MECOM: variants seen among roughly 807,000 people sequenced by gnomAD.
MECOM encodes histone-lysine N-methyltransferase MECOM.
Under a neutral mutation model 116.3 loss-of-function variants are expected in MECOM, and 13 were observed. The ratio of observed to expected loss-of-function variants is 0.11; its 90% confidence interval spans 0.07 to 0.18. The LOEUF (loss-of-function observed/expected upper bound fraction) is 0.18, where lower values mean the gene tolerates loss of function less well. MECOM is among the 10% of genes least tolerant of loss of function. MECOM has a pLI of 1.00. For synonymous variants in MECOM, 528 were observed against 535.2 expected (o/e 0.99, Z 0.19); for missense variants, 1,299 against 1,509.0 (o/e 0.86, Z 2.31).
intron 2 of MECOM, among the ~76,000 whole-genome samples, chr3:169,191,346 C>T (rs1487122416): frequency 6.8e-6 from 1 of 147,682 alleles, no homozygotes; most frequent in African/African-American, 2.5e-5. Flanking sequence ...AGAAGAGCAC[C>T]TGCCTGGACC....
Position 169,089,021 on chromosome 3 carries a change from T to C in MECOM, c.3564A>G (p.Leu1188=). The C allele has an allele frequency of 6.2e-7, 1 of 1,601,722 alleles. No individual in the cohort carries two copies. Among genetic ancestry groups the C allele is most frequent in the Non-Finnish European group, 8.5e-7 (1 of 1,175,310 alleles). Residue 1188 remains leucine, a synonymous_variant, in exon 16 of 17, where the codon TTA becomes TTG. Coordinates refer to ENST00000651503, the MANE Select transcript of MECOM (RefSeq NM_004991.4). The part of the protein sequence containing the change: ...SHVPEELKQP[L]HRKSKSQAYA... ...GTACCTGCGATTTGGACTTTCTGTGTAACGGCTGCTTAAGTTCCTCTGGCA... is the reference window on the plus strand; with the variant it reads ...GTACCTGCGATTTGGACTTTCTGTGCAACGGCTGCTTAAGTTCCTCTGGCA...
At chr3:169,177,202 T>A (rs1269282038) in intron 2 of MECOM, among the ~76,000 whole-genome samples, 1 of 152,070 alleles carries the variant, frequency 6.6e-6, no homozygotes, top group Non-Finnish European at 1.5e-5. Flanking sequence ...AATAGCAAAG[T>A]CATGGAATCA....
intron 1 of MECOM, among the ~76,000 whole-genome samples, chr3:169,637,249 T>A (rs1772907815): frequency 6.6e-6 from 1 of 152,160 alleles, no homozygotes; most frequent in Non-Finnish European, 1.5e-5. Flanking sequence ...TTCTAATGAC[T>A]GCAGCCCCAG....
chr3:169,378,089 G>A (rs997062500), intron 2 of MECOM, among the ~76,000 whole-genome samples: 28 of 151,644 alleles, frequency 1.8e-4, no homozygotes, highest in South Asian at 4.2e-4. Context: ...AACAAACAGC[G>A]CATGTTCTCA....
intron 2 of MECOM, among the ~76,000 whole-genome samples, chr3:169,153,961 A>C (rs1473699691): frequency 2.0e-5 from 3 of 152,214 alleles, no homozygotes; most frequent in African/African-American, 7.2e-5. Flanking sequence ...GGGGAACAGC[A>C]AAGTGTAAGT....
intron 1 of MECOM, among the ~76,000 whole-genome samples, chr3:169,412,136 A>C (rs558512174): frequency 2.6e-4 from 39 of 151,942 alleles, no homozygotes; most frequent in Non-Finnish European, 2.6e-4. Context: ...AGACACAAAA[A>C]TTAGCCAGGC....
chr3:169,216,459 G>A (rs1577370191), intron 2 of MECOM, among the ~76,000 whole-genome samples: 1 of 152,126 alleles, frequency 6.6e-6, no homozygotes, highest in Middle Eastern at 3.4e-3. Context: ...AATGACATCT[G>A]ACCACTGGCT....
At chr3:169,328,633 T>C (rs1039925808) in intron 2 of MECOM, among the ~76,000 whole-genome samples, 9 of 152,214 alleles carry the variant, frequency 5.9e-5, no homozygotes, top group Non-Finnish European at 1.0e-4. Flanking sequence ...ATTGGATCAC[T>C]GAATGCAATA....
At chr3:169,473,212 T>C (rs892889786) in intron 1 of MECOM, among the ~76,000 whole-genome samples, 2 of 152,164 alleles carry the variant, frequency 1.3e-5, no homozygotes, top group African/African-American at 2.4e-5. Context: ...ATTCAGGAAT[T>C]TGTACTTTTG....
intron 2 of MECOM, among the ~76,000 whole-genome samples, chr3:169,291,882 T>C (rs1017853300): frequency 1.3e-5 from 2 of 152,214 alleles, no homozygotes; most frequent in African/African-American, 2.4e-5. Flanking sequence ...TAGAATCTGA[T>C]CATGTGAATA....
At chr3:169,488,527 CAGAG>C (rs1286981514) in intron 1 of MECOM, among the ~76,000 whole-genome samples, 11 of 151,824 alleles carry the variant, frequency 7.2e-5, no homozygotes, top group Admixed American at 5.9e-4. Flanking sequence ...GCCTGGGCGA[CAGAG>C]CTAGACTCTA....
At chr3:169,123,732 T>C (rs1408847286) in intron 5 of MECOM, among the ~76,000 whole-genome samples, 1 of 152,090 alleles carries the variant, frequency 6.6e-6, no homozygotes, top group African/African-American at 2.4e-5. Context: ...CATCTTGTTA[T>C]GACAAAAGGC....
At chr3:169,483,027 G>A (rs899915222) in intron 1 of MECOM, among the ~76,000 whole-genome samples, 1 of 151,940 alleles carries the variant, frequency 6.6e-6, no homozygotes, top group Non-Finnish European at 1.5e-5. Flanking sequence ...TTCCACTTGG[G>A]TCAATAAATC....
rs565447848 is a variant in MECOM, at chr3:169,471,758, C to T, written c.38-90234G>A. The stretch of plus-strand genomic sequence containing the variant: ...ACATTTGTATAATTTTGGAGGCAAA[C>T]AAAGCACTTCCATGTCGTTTCCCTC... On this transcript the variant is annotated intron_variant, in intron 1 of 16. Coordinates refer to ENST00000651503, the MANE Select transcript of MECOM (RefSeq NM_004991.4). 1.8e-4 allele frequency among the ~76,000 whole-genome samples: 27 copies of T among 152,316 alleles called. 1 individual carries two copies. In the South Asian group the frequency reaches 5.4e-3, roughly 30 times the overall value.
At chr3:169,276,415 C>T (rs111814194) in intron 2 of MECOM, among the ~76,000 whole-genome samples, 9 of 151,890 alleles carry the variant, frequency 5.9e-5, no homozygotes, top group African/African-American at 2.2e-4. Context: ...TAGCCAGGCA[C>T]GGTGGCGCGT....
chr3:169,271,073 T>G (rs950801028), intron 2 of MECOM, among the ~76,000 whole-genome samples: 4 of 152,148 alleles, frequency 2.6e-5, no homozygotes, highest in Admixed American at 2.6e-4. Flanking sequence ...AAGTCCGATT[T>G]CTCCGAAGGG....
chr3:169,104,820 TC>T (rs1453405810), intron 10 of MECOM, among the ~76,000 whole-genome samples: 1 of 152,204 alleles, frequency 6.6e-6, no homozygotes, highest in Non-Finnish European at 1.5e-5. Flanking sequence ...AATAGCTAGC[TC>T]CTTTTGAAGA....
chr3:169,458,148 G>C (rs1256699661), intron 1 of MECOM, among the ~76,000 whole-genome samples: 2 of 152,150 alleles, frequency 1.3e-5, no homozygotes, highest in East Asian at 3.8e-4. Context: ...GGCCTTAATG[G>C]GAAGGACATC....
intron 12 of MECOM, among the ~76,000 whole-genome samples, chr3:169,096,187 A>AAG (rs1721395234): frequency 2.0e-5 from 3 of 152,194 alleles, no homozygotes; most frequent in African/African-American, 7.2e-5. Flanking sequence ...TTTTAAGGTA[A>AAG]AGATTCCATT....
Sources: gnomAD v4.1 joint callset for allele counts (sites outside exome capture counted in the v4.1 genomes callset) on GRCh38, gnomAD v4.1.1 for gene constraint, MANE v1.5 for transcripts, NCBI Gene and HGNC (gene_info 2026-07-23, HGNC 2026-07-21) for gene names.